The following GAS7 variants were observed in gnomAD, a reference collection of about 807,000 sequenced individuals.
GAS7 encodes the protein growth arrest specific 7.
GAS7 carries 28 observed loss-of-function variants against 71.1 expected under a neutral mutation model. The ratio of observed to expected loss-of-function variants is 0.39; its 90% CI spans 0.29 to 0.54. The LOEUF is 0.54. Among genes scored for constraint, GAS7 ranks in the 20% least tolerant of loss-of-function variants. The pLI is 0.62. For synonymous variants in GAS7, 258 were observed against 245.8 expected (o/e 1.05, Z -0.46); for missense variants, 436 against 627.8 (o/e 0.69, Z 3.27).
At position 9,912,493 on chromosome 17, in the gene GAS7, C is replaced by T. The variant is rs554775802; in HGVS notation, c.*4735G>A. ...TCTGCTCGCCTTTCAAAGCCTCCAA[C>T]GCCCAATACATAGCCAAGGACCGTG... is the stretch of plus-strand genomic sequence containing the variant. On this transcript the variant is annotated 3_prime_UTR_variant, in exon 14 of 14. Transcript: ENST00000432992. 40 of 232,960 alleles carry T rather than the reference C, an allele frequency of 1.7e-4. No individual in the cohort carries two copies. Among genetic ancestry groups the T allele is most frequent in the African/African-American group, 6.4e-4 (29 of 45,454 alleles). 14.4% of individuals were successfully genotyped at this position (232,960 alleles called of 1,614,324 possible).
At position 10,012,971 on chromosome 17, in the gene GAS7, C is replaced by T. The variant is rs572622410; in HGVS notation, c.304+6806G>A. Among the ~76,000 whole-genome samples the T allele has an allele frequency of 2.0e-4, 31 of 152,040 alleles. 1 individual carries two copies. The South Asian group carries it at 5.2e-3, about 25-fold the overall frequency. ...ACAAAAAATTAGCCGGGCGTGGTGG[C>T]GGGCACTTATAGTTCCAGCTACTCG... On this transcript the variant is annotated intron_variant, in intron 2 of 13. Coordinates refer to ENST00000432992, the MANE Select transcript of GAS7 (RefSeq NM_201433.2).
At chr17:10,166,611 GCACA>G (rs994063157) in intron 1 of GAS7, among the ~76,000 whole-genome samples, 1 of 152,066 alleles carries the variant, frequency 6.6e-6, no homozygotes, top group Non-Finnish European at 1.5e-5. Flanking sequence ...TCTTTTATGT[GCACA>G]CACACATTTT....
At chr17:10,132,382 A>G (rs1429507276) in intron 1 of GAS7, among the ~76,000 whole-genome samples, 1 of 152,188 alleles carries the variant, frequency 6.6e-6, no homozygotes, top group Non-Finnish European at 1.5e-5. Context: ...CCCTACGTGC[A>G]CACCCATCAT....
At chr17:10,140,869 G>A (rs1039416309) in intron 1 of GAS7, among the ~76,000 whole-genome samples, 1 of 152,206 alleles carries the variant, frequency 6.6e-6, no homozygotes, top group Non-Finnish European at 1.5e-5. Context: ...ACTTGTATGT[G>A]CACAACACTG....
At chr17:10,105,533 A>G (rs1054112326) in intron 1 of GAS7, among the ~76,000 whole-genome samples, 2 of 152,158 alleles carry the variant, frequency 1.3e-5, no homozygotes, top group Non-Finnish European at 2.9e-5. Context: ...AGGATGAGGC[A>G]GGTCTGATCT....
At chr17:9,958,922 T>A in intron 5 of GAS7, 1 of 1,341,100 alleles carries the variant, frequency 7.5e-7, no homozygotes, top group Non-Finnish European at 9.6e-7. Flanking sequence ...CCCGCACGCA[T>A]ACCTTCCCCT....
chr17:10,093,552 C>CACT (rs770792831), intron 1 of GAS7, among the ~76,000 whole-genome samples: 1 of 66,056 alleles, frequency 1.5e-5, no homozygotes, highest in Non-Finnish European at 2.6e-5. Context: ...GACTCCGTCT[C>CACT]AAAAAAAAAA....
chr17:10,024,036 A>C (rs1211180086), intron 1 of GAS7, among the ~76,000 whole-genome samples: 2 of 152,174 alleles, frequency 1.3e-5, no homozygotes, highest in East Asian at 3.9e-4. Flanking sequence ...AGGCAGGAAA[A>C]TCACTTGAAC....
chr17:10,074,543 C>T (rs1310483501), intron 1 of GAS7, among the ~76,000 whole-genome samples: 2 of 152,194 alleles, frequency 1.3e-5, no homozygotes, highest in Non-Finnish European at 2.9e-5. Context: ...TATTTGTTCT[C>T]TCCTGCCACT....
At chr17:10,101,234 G>A (rs1041901332) in intron 1 of GAS7, among the ~76,000 whole-genome samples, 2 of 152,140 alleles carry the variant, frequency 1.3e-5, no homozygotes, top group Non-Finnish European at 2.9e-5. Flanking sequence ...TGTCAGCCAG[G>A]GCTGTAGTCA....
In GAS7 at chr17:9,969,455, C is replaced by T. The variant is rs1215092402; in HGVS notation, c.471+222G>A. Among the ~76,000 whole-genome samples the T allele has an allele frequency of 6.6e-6, 1 of 152,160 alleles. No individual in the cohort carries two copies. Among genetic ancestry groups the T allele is most frequent in the Non-Finnish European group, 1.5e-5 (1 of 68,040 alleles). ...GTTTCAACCCCATCACCGTCAACCC[C>T]TCCTCCAAACCACCCTCGACTTCTA... On this transcript the variant is annotated intron_variant, in intron 4 of 13. Coordinates refer to ENST00000432992, the MANE Select transcript of GAS7 (RefSeq NM_201433.2). The surrounding 1 kb of genome is among the most constrained non-coding windows in gnomAD (Gnocchi z 5.5).
chr17:9,943,259 A>G (rs757994589), intron 6 of GAS7, 23 bp from the exon 7 acceptor site: 1 of 1,358,928 alleles, frequency 7.4e-7, no homozygotes, highest in Non-Finnish European at 1.1e-6. Context: ...CAGAAGCACA[A>G]GAGTTTAGGG....
chr17:10,096,920 G>A (rs1274520550), intron 1 of GAS7, among the ~76,000 whole-genome samples: 3 of 152,208 alleles, frequency 2.0e-5, no homozygotes, highest in African/African-American at 4.8e-5. Context: ...GGTCCCATCC[G>A]AGGCTGCAAT....
Position 10,133,226 on chromosome 17 carries a change from G to A in GAS7, c.183+64982C>T, listed in dbSNP as rs536269648. On this transcript the variant is annotated intron_variant, in intron 1 of 13. Coordinates refer to ENST00000432992, the MANE Select transcript of GAS7 (RefSeq NM_201433.2). The stretch of plus-strand genomic sequence containing the variant: ...CAACCTCCACCTCCTGGGTTCAAGT[G>A]ATTCTCCTATCTCAGTCTCCCAAGT... 9.0e-4 allele frequency among the ~76,000 whole-genome samples: 136 copies of A among 151,694 alleles called. 1 individual carries two copies. Among genetic ancestry groups the A allele is most frequent in the South Asian group, 1.2e-3 (6 of 4,814 alleles).
chr17:10,146,387 C>T (rs2074121091), intron 1 of GAS7, among the ~76,000 whole-genome samples: 1 of 152,200 alleles, frequency 6.6e-6, no homozygotes, highest in African/African-American at 2.4e-5. Context: ...CCAATTATGA[C>T]TGCATTTCAC....
intron 1 of GAS7, among the ~76,000 whole-genome samples, chr17:10,160,393 T>C (rs2074243625): frequency 6.6e-6 from 1 of 152,198 alleles, no homozygotes; most frequent in African/African-American, 2.4e-5. Context: ...AATAAAACAG[T>C]TACAGGACCA....
At chr17:10,054,214 A>C (rs533288926) in intron 1 of GAS7, among the ~76,000 whole-genome samples, 2 of 151,668 alleles carry the variant, frequency 1.3e-5, no homozygotes, top group South Asian at 4.2e-4. Flanking sequence ...TTTCATAGAC[A>C]TGGGTGCGGG....
chr17:9,982,724 C>T (rs766979974), intron 2 of GAS7, among the ~76,000 whole-genome samples: 41 of 150,782 alleles, frequency 2.7e-4, no homozygotes, highest in Non-Finnish European at 4.4e-5. Flanking sequence ...TGCAGTGAGC[C>T]GAGATTGTGC....
intron 1 of GAS7, among the ~76,000 whole-genome samples, chr17:10,086,470 C>A (rs899732089): frequency 1.3e-5 from 2 of 152,128 alleles, no homozygotes; most frequent in African/African-American, 2.4e-5. Flanking sequence ...TCTCTGTTAC[C>A]GAACCATTGT....
Sources: gnomAD v4.1 joint callset for allele counts (sites outside exome capture counted in the v4.1 genomes callset) on GRCh38, gnomAD v4.1.1 for gene constraint, Gnocchi (gnomAD v3.1) non-coding constraint, MANE v1.5 for transcripts, NCBI Gene and HGNC (gene_info 2026-07-23, HGNC 2026-07-21) for gene names.